Variants in PRH1 observed in about 807,000 individuals in gnomAD.
PRH1 encodes salivary acidic proline-rich phosphoprotein 1/2.
In PRH1, 7 loss-of-function variants were observed where a neutral mutation model predicts 7.9. The observed-to-expected ratio is 0.89, with a 90% CI of 0.50 to 1.67. The LOEUF (loss-of-function observed/expected upper bound fraction) is 1.67. Among genes scored for constraint, PRH1 ranks in the 40% most tolerant of loss-of-function variants. The pLI is 0.00. For missense variants in PRH1, 109 were observed against 223.6 expected, an observed-to-expected ratio of 0.49 and a Z score of 3.27; for synonymous variants, 45 against 80.8, an observed-to-expected ratio of 0.56 and a Z score of 2.38.
intron 1 of PRH1, among the ~76,000 whole-genome samples, chr12:10,992,641 G>C (rs1386863991): frequency 6.6e-6 from 1 of 152,104 alleles, no homozygotes; most frequent in Non-Finnish European, 1.5e-5. Context: ...TGGAACTCCT[G>C]GCCTCAAGTG....
At chr12:11,003,339 A>G (rs1222492518) in intron 1 of PRH1, among the ~76,000 whole-genome samples, 1 of 151,476 alleles carries the variant, frequency 6.6e-6, no homozygotes, top group East Asian at 2.0e-4. Flanking sequence ...GGAAAGCAAT[A>G]AAACCTAAAT....
intron 1 of PRH1, among the ~76,000 whole-genome samples, chr12:11,058,608 GCT>G (rs918847071): frequency 1.3e-5 from 2 of 152,294 alleles, no homozygotes; most frequent in African/African-American, 4.8e-5. Flanking sequence ...ACAAAAGAGG[GCT>G]CTACAGCAGA....
At chr12:11,155,766 G>C (rs1229200983) in intron 1 of PRH1, among the ~76,000 whole-genome samples, 1 of 151,894 alleles carries the variant, frequency 6.6e-6, no homozygotes, top group Non-Finnish European at 1.5e-5. Context: ...ATAGGTATTT[G>C]AGCTGTTTCT....
intron 1 of PRH1, among the ~76,000 whole-genome samples, chr12:11,134,897 CATAA>C (rs1367458705): frequency 3.3e-5 from 5 of 152,074 alleles, no homozygotes; most frequent in African/African-American, 9.7e-5. Flanking sequence ...TTCACAAGCT[CATAA>C]ATACACACAC....
intron 1 of PRH1, among the ~76,000 whole-genome samples, chr12:11,011,860 C>T (rs944251867): frequency 2.0e-5 from 3 of 152,130 alleles, no homozygotes; most frequent in Admixed American, 6.6e-5. Context: ...CACATACATG[C>T]TCCTCATGGA....
chr12:11,049,872 T>C (rs2136146610), upstream of PRH1, among the ~76,000 whole-genome samples: 1 of 152,314 alleles, frequency 6.6e-6, no homozygotes, highest in East Asian at 1.9e-4. Context: ...CCAATACATT[T>C]ATATGACATC....
chr12:10,963,743 A>G (rs1222198118), intron 2 of PRH1, among the ~76,000 whole-genome samples: 1 of 152,226 alleles, frequency 6.6e-6, no homozygotes, highest in African/African-American at 2.4e-5. Context: ...ACATATTTGT[A>G]TAAAATCTAA....
intron 1 of PRH1, among the ~76,000 whole-genome samples, chr12:11,128,067 C>T (rs1441058593): frequency 4.8e-5 from 7 of 145,442 alleles, no homozygotes; most frequent in Admixed American, 4.2e-4. Flanking sequence ...GCCGAGATGG[C>T]GCCACTGCAC....
At chr12:10,919,387 A>G (rs1051155336) in intron 2 of PRH1, among the ~76,000 whole-genome samples, 1 of 152,206 alleles carries the variant, frequency 6.6e-6, no homozygotes, top group African/African-American at 2.4e-5. Flanking sequence ...AGGTGAGAGG[A>G]TAGACATGTA....
At chr12:11,098,795 T>G (rs779034774) in intron 1 of PRH1, among the ~76,000 whole-genome samples, 2 of 152,212 alleles carry the variant, frequency 1.3e-5, no homozygotes, top group Non-Finnish European at 2.9e-5. Context: ...TTTGTATAAC[T>G]TCATTATTCA....
chr12:10,930,279 A>C, intron 2 of PRH1: 1 of 1,613,370 alleles, frequency 6.2e-7, no homozygotes, highest in African/African-American at 1.3e-5. Flanking sequence ...ATGTCAGCCA[A>C]GAAGACGTTC....
intron 1 of PRH1, among the ~76,000 whole-genome samples, chr12:10,976,639 T>A (rs1235687165): frequency 6.6e-6 from 1 of 151,470 alleles, no homozygotes; most frequent in Non-Finnish European, 1.5e-5. Flanking sequence ...AGGAGTTTTT[T>A]TTTTTTAAAT....
At chr12:11,064,063 C>G (rs918366010) in intron 1 of PRH1, among the ~76,000 whole-genome samples, 2 of 151,998 alleles carry the variant, frequency 1.3e-5, no homozygotes, top group Admixed American at 6.6e-5. Context: ...ATGATGCAGG[C>G]AAGACAAGGA....
chr12:10,886,583 G>A (rs534319353), upstream of PRH1, among the ~76,000 whole-genome samples: 4 of 152,284 alleles, frequency 2.6e-5, no homozygotes, highest in South Asian at 2.1e-4. Flanking sequence ...AAAGGGAGAC[G>A]CAGGACTGCT....
At chr12:10,916,561 G>C (rs1330377629) in intron 2 of PRH1, among the ~76,000 whole-genome samples, 1 of 152,006 alleles carries the variant, frequency 6.6e-6, no homozygotes, top group Non-Finnish European at 1.5e-5. Context: ...CACATAAACT[G>C]TCATGTTAGC....
At chr12:11,077,166 C>G (rs1201455846) in intron 1 of PRH1, 1 of 102,058 alleles carries the variant, frequency 9.8e-6, no homozygotes, top group Non-Finnish European at 2.4e-5. Flanking sequence ...ACATATACAA[C>G]CATATATATA....
chr12:10,968,647 C>T (rs1451485441), intron 2 of PRH1, among the ~76,000 whole-genome samples: 1 of 152,196 alleles, frequency 6.6e-6, no homozygotes, highest in Non-Finnish European at 1.5e-5. Flanking sequence ...GGAACTGGGG[C>T]TCACTGACGC....
At chr12:11,127,806 T>C (rs886112337) in intron 1 of PRH1, among the ~76,000 whole-genome samples, 5 of 152,272 alleles carry the variant, frequency 3.3e-5, no homozygotes, top group African/African-American at 1.2e-4. Context: ...GTTATTTAAT[T>C]AAAATACTCA....
At chr12:10,931,865 A>G (rs2298867) in intron 2 of PRH1, among the ~76,000 whole-genome samples, 145,591 of 152,180 alleles carry the variant, frequency 0.96, 69,836 homozygotes, top group South Asian at 0.99. Flanking sequence ...TGGTTTTTCC[A>G]TAATTTACTT....
Sources: allele counts gnomAD v4.1 joint callset (sites outside exome capture counted in the v4.1 genomes callset), GRCh38; gene constraint gnomAD v4.1.1; transcripts MANE v1.5; gene names NCBI Gene and HGNC (gene_info 2026-07-23, HGNC 2026-07-21).